The following MYO3A variants were observed in gnomAD, a reference collection of about 807,000 sequenced individuals.
MYO3A encodes the protein myosin-IIIa.
In MYO3A, 180 loss-of-function variants were observed where a neutral mutation model predicts 192.7. The observed-to-expected ratio is 0.93, with a 90% confidence interval of 0.83 to 1.06. The LOEUF (loss-of-function observed/expected upper bound fraction) is 1.06, where lower values mean the gene tolerates loss of function less well. MYO3A is among the 50% of genes least tolerant of loss of function. The pLI is 0.00. For synonymous variants in MYO3A, 628 were observed against 645.3 expected (o/e 0.97, Z 0.41); for missense variants, 1,896 against 1,905.0 (o/e 1.00, Z 0.09).
In MYO3A at chr10:26,070,375, G is replaced by A; in HGVS notation, c.1333G>A (p.Val445Ile). The change falls in exon 14 of 35, where the codon GTT (valine) becomes ATT (isoleucine). Residue 445 changes from valine to isoleucine, a missense_variant. Physicochemically the swap from Val to Ile is conservative, Grantham distance 29. Transcript: ENST00000642920. ...AGKTENAHLL[V>I]QQLTVLGKAN... ...AAAGACTGAAAATGCTCATCTTTTAGTTCAGCAGCTGACAGTGCTTGGAAA... is the reference window on the plus strand; with the variant it reads ...AAAGACTGAAAATGCTCATCTTTTAATTCAGCAGCTGACAGTGCTTGGAAA... The A allele has an allele frequency of 6.2e-7, 1 of 1,613,188 alleles. No individual in the cohort carries two copies. The highest frequency in any genetic ancestry group is 8.5e-7 in the Non-Finnish European group (1 of 1,179,458).
At chr10:25,986,118 C>G in intron 4 of MYO3A, among the ~76,000 whole-genome samples, 1 of 152,102 alleles carries the variant, frequency 6.6e-6, no homozygotes, top group Admixed American at 6.5e-5. Context: ...ATGATCATCT[C>G]AATAGATGCA....
intron 10 of MYO3A, among the ~76,000 whole-genome samples, chr10:26,055,707 C>CT (rs1357354563): frequency 6.6e-6 from 1 of 152,126 alleles, no homozygotes; most frequent in African/African-American, 2.4e-5. Context: ...CATTCTGTTC[C>CT]TTTTAACATG....
intron 4 of MYO3A, among the ~76,000 whole-genome samples, chr10:25,981,302 A>G (rs1240143167): frequency 6.6e-6 from 1 of 152,216 alleles, no homozygotes; most frequent in Admixed American, 6.5e-5. Flanking sequence ...ACAAAAATTA[A>G]GTCAAAACGG....
At chr10:25,956,596 G>A (rs1296771085) in intron 4 of MYO3A, among the ~76,000 whole-genome samples, 2 of 149,118 alleles carry the variant, frequency 1.3e-5, no homozygotes, top group East Asian at 4.0e-4. Context: ...CACCTATCTC[G>A]ACCTCCTAAA....
At chr10:26,016,757 G>A (rs1025529674) in intron 6 of MYO3A, 63 bp from the exon 7 acceptor site, 1 of 1,446,848 alleles carries the variant, frequency 6.9e-7, no homozygotes, top group Non-Finnish European at 9.7e-7. Flanking sequence ...AAAGATTATA[G>A]CAATTGAAAG....
chr10:26,050,826 C>T (rs1232800636), intron 10 of MYO3A, among the ~76,000 whole-genome samples: 1 of 152,118 alleles, frequency 6.6e-6, no homozygotes, highest in Admixed American at 6.5e-5. Context: ...CAGAGCCACC[C>T]AAAAGGGATT....
At chr10:25,986,301 A>G (rs1277494433) in intron 4 of MYO3A, among the ~76,000 whole-genome samples, 1 of 152,222 alleles carries the variant, frequency 6.6e-6, no homozygotes, top group Non-Finnish European at 1.5e-5. Flanking sequence ...GAAACAAGAC[A>G]GGGATGCCCA....
At chr10:25,936,095 G>A (rs1343187570) in intron 2 of MYO3A, among the ~76,000 whole-genome samples, 1 of 152,008 alleles carries the variant, frequency 6.6e-6, no homozygotes, top group Non-Finnish European at 1.5e-5. Flanking sequence ...GGACGAAAAT[G>A]CAAACTAAAA....
At chr10:26,192,668 C>A (rs1010129239) in intron 31 of MYO3A, among the ~76,000 whole-genome samples, 3 of 26,736 alleles carry the variant, frequency 1.1e-4, no homozygotes, top group Non-Finnish European at 2.4e-4. Context: ...TTTTTTTTTT[C>A]TTGAGACAGA....
At chr10:25,997,050 T>A in intron 5 of MYO3A, 109 bp from the exon 6 acceptor site, 1 of 801,822 alleles carries the variant, frequency 1.2e-6, no homozygotes, top group Non-Finnish European at 2.1e-6. Context: ...AGTGTCTGAA[T>A]GTTAATTTTA....
At position 26,034,926 on chromosome 10, in the gene MYO3A, CGT is replaced by C. The variant is rs146134022; in HGVS notation, c.953+8412_953+8413del. Reference sequence around the variant, plus strand: ...GTTTTTGTGTTTTTTTTACATGAAGCGTGTGTGTGTGTGTGTGTGCGCACACA... The same window carrying C: ...GTTTTTGTGTTTTTTTTACATGAAGCGTGTGTGTGTGTGTGTGCGCACACA... On this transcript the variant is annotated intron_variant, in intron 10 of 34. Coordinates refer to ENST00000642920, the MANE Select transcript of MYO3A (RefSeq NM_017433.5). 1.3e-3 allele frequency among the ~76,000 whole-genome samples: 196 copies of C among 147,516 alleles called. 1 individual carries two copies. Among genetic ancestry groups the C allele is most frequent in the Middle Eastern group, 7.0e-3 (2 of 286 alleles).
chr10:26,047,773 T>G (rs1843717533), intron 10 of MYO3A, among the ~76,000 whole-genome samples: 3 of 150,834 alleles, frequency 2.0e-5, no homozygotes, highest in Admixed American at 6.6e-5. Context: ...AGACTCCATC[T>G]CAATAAAAAA....
intron 31 of MYO3A, among the ~76,000 whole-genome samples, chr10:26,177,210 C>T (rs916365043): frequency 6.6e-6 from 1 of 152,138 alleles, no homozygotes; most frequent in Non-Finnish European, 1.5e-5. Context: ...TTGTCAACAT[C>T]TGCAACCTTG....
At chr10:26,050,009 G>A (rs11812818) in intron 10 of MYO3A, among the ~76,000 whole-genome samples, 24,669 of 151,342 alleles carry the variant, frequency 0.16, 2,280 homozygotes, top group Non-Finnish European at 0.21. Flanking sequence ...TGCTCAGTGA[G>A]GTGTGAGTTA....
intron 17 of MYO3A, among the ~76,000 whole-genome samples, chr10:26,105,505 TG>T (rs1174507113): frequency 3.3e-5 from 5 of 152,166 alleles, no homozygotes; most frequent in African/African-American, 1.2e-4. Context: ...TTTACTCTTA[TG>T]AATTGTATAT....
chr10:26,020,002 G>A (rs1438856998), intron 7 of MYO3A, among the ~76,000 whole-genome samples: 2 of 151,696 alleles, frequency 1.3e-5, no homozygotes, highest in Non-Finnish European at 3.0e-5. Context: ...GTATGATGAT[G>A]TCCCATCAAA....
At chr10:25,993,404 T>G (rs2130876493) in intron 4 of MYO3A, among the ~76,000 whole-genome samples, 1 of 152,142 alleles carries the variant, frequency 6.6e-6, no homozygotes, top group Non-Finnish European at 1.5e-5. Context: ...CTCTCTTTTC[T>G]TCTTTAATAG....
chr10:26,088,532 T>G (rs1588932570), intron 15 of MYO3A, 127 bp downstream of exon 15: 3 of 891,392 alleles, frequency 3.4e-6, no homozygotes, highest in Non-Finnish European at 5.3e-6. Flanking sequence ...GCACTTACTA[T>G]TGAGAATGAA....
chr10:26,131,294 A>G (rs2131770730), intron 20 of MYO3A, among the ~76,000 whole-genome samples: 1 of 152,278 alleles, frequency 6.6e-6, no homozygotes, highest in Admixed American at 6.5e-5. Flanking sequence ...TGAATATCAT[A>G]ATATCATTTT....
Sources: gnomAD v4.1 joint callset for allele counts (sites outside exome capture counted in the v4.1 genomes callset) on GRCh38, gnomAD v4.1.1 for gene constraint, MANE v1.5 for transcripts, NCBI Gene and HGNC (gene_info 2026-07-23, HGNC 2026-07-21) for gene names.